ACSL1: variants seen among roughly 807,000 people sequenced by gnomAD.
The protein encoded by ACSL1 is acyl-CoA synthetase long chain family member 1, also known as long-chain-fatty-acid--CoA ligase 1.
In ACSL1, 41 loss-of-function variants were observed where a neutral mutation model predicts 98.4. The observed-to-expected ratio is 0.42, with a 90% CI of 0.32 to 0.54. The LOEUF (loss-of-function observed/expected upper bound fraction) is 0.54. ACSL1 is among the 20% of genes least tolerant of loss of function. The pLI, the probability that ACSL1 is intolerant of heterozygous loss-of-function variation, is 0.13. For missense variants in ACSL1, 734 were observed against 883.1 expected (o/e 0.83, Z 2.14); for synonymous variants, 316 against 322.7 (o/e 0.98, Z 0.22).
Position 184,757,715 on chromosome 4 carries a change from G to A in ACSL1, c.1885-9C>T. The A allele has an allele frequency of 6.2e-7, 1 of 1,613,442 alleles. No individual in the cohort carries two copies. Among genetic ancestry groups the A allele is most frequent in the Non-Finnish European group, 8.5e-7 (1 of 1,179,714 alleles). ...ATAGCTTTTTTGACATCCTAAAAGGGTAAGAAAAATAAATTACTTCCTCTG... is the reference window on the plus strand; with the variant it reads ...ATAGCTTTTTTGACATCCTAAAAGGATAAGAAAAATAAATTACTTCCTCTG... On this transcript the variant is annotated splice_polypyrimidine_tract_variant and intron_variant, in intron 19 of 20. Transcript: ENST00000281455. The surrounding 1 kb of genome is among the most constrained non-coding windows in gnomAD (Gnocchi z 4.5).
intron 2 of ACSL1, among the ~76,000 whole-genome samples, chr4:184,794,279 T>G (rs1022685786): frequency 6.6e-6 from 1 of 152,242 alleles, no homozygotes; most frequent in Admixed American, 6.5e-5. Context: ...TCTAGCAGAC[T>G]ACATCTTTGA....
chr4:184,770,370 A>G, intron 11 of ACSL1, 29 bp downstream of exon 11: 1 of 1,610,948 alleles, frequency 6.2e-7, no homozygotes, highest in Non-Finnish European at 8.5e-7. Flanking sequence ...ATACACAAAC[A>G]AGCAAGGAAA....
chr4:184,824,557 C>T (rs956320801), intron 1 of ACSL1, among the ~76,000 whole-genome samples: 9 of 152,090 alleles, frequency 5.9e-5, no homozygotes, highest in African/African-American at 2.2e-4. Context: ...AATTTGGACT[C>T]GTGAAAGATT....
Position 184,765,147 on chromosome 4 carries a change from G to A in ACSL1, c.1360-222C>T, listed in dbSNP as rs183249574. Among the ~76,000 whole-genome samples the A allele has an allele frequency of 1.0e-3, 157 of 152,292 alleles. 1 individual carries two copies. The highest frequency in any genetic ancestry group is 3.6e-3 in the African/African-American group (151 of 41,554). On this transcript the variant is annotated intron_variant, in intron 14 of 20. Transcript: ENST00000281455. ...TCTATTTAACTTCCAGTGGCCAAGCGAGGGAGAACCCCTATGTGACTGGTC... is the reference window on the plus strand; with the variant it reads ...TCTATTTAACTTCCAGTGGCCAAGCAAGGGAGAACCCCTATGTGACTGGTC...
rs763725321 is a variant in ACSL1, at chr4:184,773,669, T to C, written c.835A>G (p.Thr279Ala). 3 of 1,611,848 alleles carry C rather than the reference T, an allele frequency of 1.9e-6. No homozygotes were observed. The highest frequency in any genetic ancestry group is 2.5e-6 in the Non-Finnish European group (3 of 1,179,306). ...DLAVICFTSG[T>A]TGNPKGAMVT... ...ATTCTATCTCAAAACTCACCTGTAG[T>C]TCCACTTGTGAAACAAATTACTGCA... The change falls in exon 9 of 21, where the codon ACT becomes GCT. Residue 279 changes from threonine to alanine, a missense_variant. By Grantham distance (58) the Thr-to-Ala change is moderately conservative. Coordinates refer to ENST00000281455, the MANE Select transcript of ACSL1 (RefSeq NM_001995.5). This position sits in a 1 kb window ranked among gnomAD's most constrained non-coding sequence, Gnocchi z 4.3.
intron 4 of ACSL1, among the ~76,000 whole-genome samples, chr4:184,783,517 G>A (rs1416874215): frequency 6.6e-6 from 1 of 152,226 alleles, no homozygotes; most frequent in African/African-American, 2.4e-5. Context: ...AACCTTGGGT[G>A]AGTCACCTCT....
At chr4:184,777,836 T>A (rs1366828950) in intron 5 of ACSL1, among the ~76,000 whole-genome samples, 1 of 151,918 alleles carries the variant, frequency 6.6e-6, no homozygotes, top group Non-Finnish European at 1.5e-5. Context: ...ACAGAGGGGA[T>A]GGCAGGATCA....
intron 1 of ACSL1, chr4:184,808,374 G>A (rs1579955660): frequency 1.0e-6 from 1 of 985,246 alleles, no homozygotes; most frequent in Admixed American, 6.2e-5. Context: ...AGTTCCTCAA[G>A]CTTTCATCAA....
At chr4:184,788,556 G>C in intron 3 of ACSL1, 61 bp downstream of exon 3, 1 of 1,321,654 alleles carries the variant, frequency 7.6e-7, no homozygotes, top group South Asian at 1.2e-5. Flanking sequence ...TTTCTGAAAG[G>C]CCACTCGTTC....
intron 1 of ACSL1, chr4:184,808,184 G>C: frequency 2.0e-6 from 1 of 501,902 alleles, no homozygotes; most frequent in Non-Finnish European, 2.6e-6. Context: ...TAGTGGCTCA[G>C]GGCCAGAGGT....
Position 184,760,445 on chromosome 4 carries a change from C to T in ACSL1, c.1694G>A (p.Gly565Glu). 6.2e-7 allele frequency: 1 copy of T among 1,614,156 alleles called. No homozygotes were observed. Among genetic ancestry groups the T allele is most frequent in the Admixed American group, 1.7e-5 (1 of 60,020 alleles). ...AATCTTTTCAGGGGCTATGTATTCTCCTTGTGCCAGCTTAAATATGTGCTT... is the reference window on the plus strand; with the variant it reads ...AATCTTTTCAGGGGCTATGTATTCTTCTTGTGCCAGCTTAAATATGTGCTT... ...RKKHIFKLAQGEYIAPEKIEN... is the reference protein window; with the variant it reads ...RKKHIFKLAQEEYIAPEKIEN... Residue 565 changes from glycine (G) to glutamate (E), a missense_variant, in exon 18 of 21, where the codon GGA (glycine) becomes GAA (glutamate). By Grantham distance (98) the Gly-to-Glu change is moderately conservative (BLOSUM62 -2). Transcript: ENST00000281455.
In ACSL1 at chr4:184,770,488, G is replaced by C. The variant is rs764329641; in HGVS notation, c.916-12C>G. The C allele has an allele frequency of 1.3e-6, 2 of 1,486,302 alleles. No individual in the cohort carries two copies. The highest frequency in any genetic ancestry group is 1.4e-5 in the African/African-American group (1 of 69,832). 92.1% of individuals were successfully genotyped at this position (1,486,302 alleles called of 1,614,324 possible). A position where few individuals can be genotyped will look rare whatever the true frequency, so the allele number is the denominator to read the frequency against. On this transcript the variant is annotated splice_polypyrimidine_tract_variant and intron_variant, in intron 10 of 20. Coordinates refer to ENST00000281455, the MANE Select transcript of ACSL1 (RefSeq NM_001995.5). Reference sequence around the variant, plus strand: ...GGATTGACTGTATTCTGTAAGCAAAGACACCAGCAAGGCAGAAAAGCATTA... The same window carrying C: ...GGATTGACTGTATTCTGTAAGCAAACACACCAGCAAGGCAGAAAAGCATTA...
chr4:184,820,391 T>A (rs1772972897), intron 1 of ACSL1, among the ~76,000 whole-genome samples: 1 of 152,148 alleles, frequency 6.6e-6, no homozygotes, highest in Non-Finnish European at 1.5e-5. Context: ...ATTTTTTAAT[T>A]CTCTAGAAAG....
Position 184,825,122 on chromosome 4 carries a change from A to G in ACSL1, c.-33+794T>C. 1 of 951,350 alleles carries G rather than the reference A, an allele frequency of 1.1e-6. No homozygotes were observed. Among genetic ancestry groups the G allele is most frequent in the Non-Finnish European group, 1.3e-6 (1 of 798,932 alleles). The allele number at this position is 951,350 out of a possible 1,614,324, so 58.9% of individuals were successfully genotyped here. ...CTTAATTATGCTCCATAACCTTGAA[A>G]TTGGACTGAGTGGGGAAGGGGTTTC... is the stretch of plus-strand genomic sequence containing the variant. On this transcript the variant is annotated intron_variant, in intron 1 of 20. Transcript: ENST00000281455. The surrounding 1 kb of genome is among the most constrained non-coding windows in gnomAD (Gnocchi z 4.7).
chr4:184,814,290 CAAA>C (rs61541962), intron 1 of ACSL1, among the ~76,000 whole-genome samples: 2,096 of 64,360 alleles, frequency 0.033, 35 homozygotes, highest in African/African-American at 0.12. Context: ...GACTCCGCCT[CAAA>C]AAAAAAAAAA....
At position 184,773,173 on chromosome 4, in the gene ACSL1, G is replaced by A. The variant is rs1440740615; in HGVS notation, c.842-19C>T. 6.2e-7 allele frequency: 1 copy of A among 1,604,082 alleles called. No individual in the cohort carries two copies. On this transcript the variant is annotated intron_variant, in intron 9 of 20. Coordinates refer to ENST00000281455, the MANE Select transcript of ACSL1 (RefSeq NM_001995.5). This position sits in a 1 kb window ranked among gnomAD's most constrained non-coding sequence, Gnocchi z 4.3. ...GGGTTGCCTGTGGAGCACATATGAA[G>A]CAGAACAAAGTTAAAGAATGACAGA...
At chr4:184,808,782 G>A (rs1418851927) in intron 1 of ACSL1, among the ~76,000 whole-genome samples, 1 of 152,202 alleles carries the variant, frequency 6.6e-6, no homozygotes, top group Non-Finnish European at 1.5e-5. Flanking sequence ...CAAAAGAGCA[G>A]TCAGGCTCTC....
In ACSL1 at chr4:184,803,292, C is replaced by T. The variant is rs1770836259; in HGVS notation, c.195+28G>A. 6.7e-6 allele frequency: 10 copies of T among 1,503,128 alleles called. No homozygotes were observed. The highest frequency in any genetic ancestry group is 8.0e-6 in the Non-Finnish European group (9 of 1,121,244). 93.1% of individuals were successfully genotyped at this position (1,503,128 alleles called of 1,614,324 possible). A position where few individuals can be genotyped will look rare whatever the true frequency, so the allele number is the denominator to read the frequency against. On this transcript the variant is annotated intron_variant, in intron 2 of 20. Coordinates refer to ENST00000281455, the MANE Select transcript of ACSL1 (RefSeq NM_001995.5). The surrounding 1 kb of genome is among the most constrained non-coding windows in gnomAD (Gnocchi z 4.8). ...CATCTGGGGAAATGCGGAGAAAACG[C>T]ACGAGGCAGGCTGGGCCCTCCACTC...
At chr4:184,758,064 C>G in intron 18 of ACSL1, 144 bp from the exon 19 acceptor site, 1 of 727,718 alleles carries the variant, frequency 1.4e-6, no homozygotes, top group African/African-American at 1.8e-5. Flanking sequence ...CCCCCCTCCC[C>G]CAGGAGTTCA....
Sources: allele counts gnomAD v4.1 joint callset (sites outside exome capture counted in the v4.1 genomes callset), GRCh38; gene constraint gnomAD v4.1.1; non-coding constraint Gnocchi (gnomAD v3.1); transcripts MANE v1.5; gene names NCBI Gene and HGNC (gene_info 2026-07-23, HGNC 2026-07-21).